STPG2: variants seen among roughly 807,000 people sequenced by gnomAD.
STPG2 encodes the protein sperm tail PG-rich repeat containing 2, also known as sperm-tail PG-rich repeat-containing protein 2.
Under a neutral mutation model 54.2 loss-of-function variants are expected in STPG2, and 56 were observed. That is an observed-to-expected ratio of 1.03 (90% CI 0.83 to 1.29). STPG2 has a LOEUF of 1.29. Among genes scored for constraint, STPG2 ranks in the 50% most tolerant of loss-of-function variants. The pLI is 0.00. For missense variants in STPG2, 596 were observed against 544.9 expected (o/e 1.09, Z -0.93); for synonymous variants, 200 against 181.8 (o/e 1.10, Z -0.81).
intron 5 of STPG2, among the ~76,000 whole-genome samples, chr4:97,989,760 C>T (rs898179041): frequency 1.3e-5 from 2 of 152,174 alleles, no homozygotes; most frequent in African/African-American, 4.8e-5. Context: ...AACTGGGATA[C>T]CCCAACAGTC....
intron 5 of STPG2, among the ~76,000 whole-genome samples, chr4:98,070,072 G>T (rs1376767532): frequency 6.6e-6 from 1 of 151,658 alleles, no homozygotes; most frequent in Non-Finnish European, 1.5e-5. Context: ...ACCTGGCAGA[G>T]ATGTAACACA....
intron 10 of STPG2, among the ~76,000 whole-genome samples, chr4:97,616,035 T>G (rs1412722408): frequency 1.8e-4 from 3 of 16,918 alleles, no homozygotes; most frequent in African/African-American, 6.3e-4. Flanking sequence ...AGACTCTGTC[T>G]CAAAAAAAAA....
chr4:97,730,348 G>A (rs947334765), intron 9 of STPG2, among the ~76,000 whole-genome samples: 1 of 152,148 alleles, frequency 6.6e-6, no homozygotes, highest in Non-Finnish European at 1.5e-5. Context: ...TCTTTTTATG[G>A]CTGTGTAGTA....
At chr4:97,450,668 C>G (rs1001193047) in intron 4 of STPG2, among the ~76,000 whole-genome samples, 1 of 152,066 alleles carries the variant, frequency 6.6e-6, no homozygotes, top group African/African-American at 2.4e-5. Context: ...GGCTAATAAG[C>G]CTGGAATGGC....
intron 5 of STPG2, among the ~76,000 whole-genome samples, chr4:98,024,220 A>G (rs1440662667): frequency 6.6e-6 from 1 of 152,206 alleles, no homozygotes; most frequent in Non-Finnish European, 1.5e-5. Flanking sequence ...TTCATGTAGT[A>G]TCTTTATAGC....
chr4:97,989,258 T>C (rs1734935883), intron 5 of STPG2, among the ~76,000 whole-genome samples: 1 of 152,174 alleles, frequency 6.6e-6, no homozygotes, highest in Non-Finnish European at 1.5e-5. Flanking sequence ...GCAATAAATA[T>C]AGAAATATGG....
intron 4 of STPG2, among the ~76,000 whole-genome samples, chr4:97,508,424 G>A (rs1431860848): frequency 6.6e-6 from 1 of 151,874 alleles, no homozygotes; most frequent in Admixed American, 6.6e-5. Flanking sequence ...CACTATCTTT[G>A]AATATAGAAA....
intron 10 of STPG2, among the ~76,000 whole-genome samples, chr4:97,599,049 A>G (rs1480860817): frequency 6.6e-6 from 1 of 152,200 alleles, no homozygotes; most frequent in African/African-American, 2.4e-5. Context: ...TCTATAAGTA[A>G]CTTAAACAAT....
At chr4:97,672,752 C>T (rs1722737984) in intron 10 of STPG2, among the ~76,000 whole-genome samples, 2 of 152,182 alleles carry the variant, frequency 1.3e-5, no homozygotes, top group Admixed American at 1.3e-4. Flanking sequence ...ATGCATTTAA[C>T]TGCCAGGGGG....
At chr4:98,060,310 A>G (rs975928816) in intron 5 of STPG2, among the ~76,000 whole-genome samples, 2 of 152,202 alleles carry the variant, frequency 1.3e-5, no homozygotes, top group African/African-American at 4.8e-5. Context: ...AGTCAATCCC[A>G]TTCAGAACTG....
At chr4:97,496,820 C>T (rs1174182499) in intron 4 of STPG2, among the ~76,000 whole-genome samples, 1 of 151,688 alleles carries the variant, frequency 6.6e-6, no homozygotes, top group Admixed American at 6.6e-5. Context: ...GTGAGACTCA[C>T]CATGTGGCAT....
chr4:98,136,518 G>C (rs1740140036), intron 1 of STPG2, among the ~76,000 whole-genome samples: 1 of 151,720 alleles, frequency 6.6e-6, no homozygotes, highest in African/African-American at 2.4e-5. Context: ...TAGAATGGTT[G>C]TGTGGGTACT....
chr4:97,565,072 A>T (rs1732388632), intron 10 of STPG2, among the ~76,000 whole-genome samples: 1 of 152,152 alleles, frequency 6.6e-6, no homozygotes, highest in Non-Finnish European at 1.5e-5. Context: ...CAGGTACACC[A>T]ATCAGACGTA....
At chr4:97,955,565 A>G (rs1245176059) in intron 7 of STPG2, among the ~76,000 whole-genome samples, 1 of 152,170 alleles carries the variant, frequency 6.6e-6, no homozygotes, top group Non-Finnish European at 1.5e-5. Flanking sequence ...TAGTTCTAAC[A>G]CATATATTTA....
At chr4:97,921,363 A>C (rs536915021) in intron 8 of STPG2, among the ~76,000 whole-genome samples, 1 of 152,122 alleles carries the variant, frequency 6.6e-6, no homozygotes, top group Non-Finnish European at 1.5e-5. Flanking sequence ...TAATTGTCTT[A>C]AGAAAATTCA....
chr4:97,530,845 G>A (rs185273203), intron 4 of STPG2, among the ~76,000 whole-genome samples: 129 of 152,268 alleles, frequency 8.5e-4, no homozygotes, highest in African/African-American at 2.9e-3. Flanking sequence ...GGGAGAGCAG[G>A]GGGACTGGAG....
chr4:98,126,074 C>T (rs1739821458), intron 3 of STPG2, among the ~76,000 whole-genome samples: 1 of 152,214 alleles, frequency 6.6e-6, no homozygotes, highest in African/African-American at 2.4e-5. Flanking sequence ...CTGGGGAACT[C>T]AGTCATCTTA....
intron 10 of STPG2, chr4:97,572,835 G>A (rs1370464558): frequency 6.6e-6 from 1 of 152,014 alleles, no homozygotes; most frequent in East Asian, 1.9e-4. Flanking sequence ...TTAAATAGGA[G>A]AAATAAGAAA....
At chr4:98,102,753 T>C (rs187490538) in intron 5 of STPG2, among the ~76,000 whole-genome samples, 118 of 151,278 alleles carry the variant, frequency 7.8e-4, no homozygotes, top group Non-Finnish European at 1.3e-3. Context: ...CCCTTTACCA[T>C]CAAAGTTCTG....
Sources: allele counts gnomAD v4.1 joint callset (sites outside exome capture counted in the v4.1 genomes callset), GRCh38; gene constraint gnomAD v4.1.1; transcripts MANE v1.5; gene names NCBI Gene and HGNC (gene_info 2026-07-23, HGNC 2026-07-21).